KLF7: variants seen among roughly 807,000 people sequenced by gnomAD.
KLF7 encodes Krueppel-like factor 7.
A neutral mutation model predicts 27.3 loss-of-function variants in KLF7; 2 were observed. The observed-to-expected ratio is 0.07, with a 90% confidence interval of 0.03 to 0.23. The LOEUF (loss-of-function observed/expected upper bound fraction) is 0.23. Ranked by LOEUF, KLF7 falls within the 10% of genes least tolerant of loss-of-function variation. KLF7 has a pLI of 1.00. For missense variants in KLF7, 221 were observed against 394.1 expected, an observed-to-expected ratio of 0.56 and a Z score of 3.72; for synonymous variants, 165 against 162.4, an observed-to-expected ratio of 1.02 and a Z score of -0.12.
chr2:207,081,013 T>C lies in KLF7; in HGVS notation c.*200A>G. On this transcript the variant is annotated 3_prime_UTR_variant, in exon 4 of 4. Transcript: ENST00000309446. Reference sequence around the variant, plus strand: ...ATAGACGTATATATTTTAAATATAGTTGAGTGCATGACAGTGTGTATGTGT... The same window carrying C: ...ATAGACGTATATATTTTAAATATAGCTGAGTGCATGACAGTGTGTATGTGT... The C allele has an allele frequency of 5.2e-6, 3 of 581,970 alleles. No individual in the cohort carries two copies. The highest frequency in any genetic ancestry group is 2.7e-5 in the East Asian group (1 of 37,580). The allele number at this position is 581,970 out of a possible 1,614,324, so 36.1% of individuals were successfully genotyped here.
chr2:207,119,115 G>GT (rs1235016177), intron 2 of KLF7, among the ~76,000 whole-genome samples: 3 of 152,170 alleles, frequency 2.0e-5, no homozygotes, highest in African/African-American at 7.2e-5. Flanking sequence ...CATGGTTTAG[G>GT]TGACAGCAAC....
chr2:207,080,966 T>G lies in KLF7; in HGVS notation c.*247A>C, dbSNP rs1350654744. 4.5e-6 allele frequency: 2 copies of G among 440,610 alleles called. No homozygotes were observed. The highest frequency in any genetic ancestry group is 8.0e-6 in the Non-Finnish European group (2 of 249,946). The allele number at this position is 440,610 out of a possible 1,614,324, so 27.3% of individuals were successfully genotyped here. A position where few individuals can be genotyped will look rare whatever the true frequency, so the allele number is the denominator to read the frequency against. On this transcript the variant is annotated 3_prime_UTR_variant, in exon 4 of 4. Coordinates refer to ENST00000309446, the MANE Select transcript of KLF7 (RefSeq NM_003709.4). Reference sequence around the variant, plus strand: ...GTTTCCTTCTTCATCTTCTTCCATCTGGCTAGGGCAAGGCATAAAGAATAG... The same window carrying G: ...GTTTCCTTCTTCATCTTCTTCCATCGGGCTAGGGCAAGGCATAAAGAATAG...
At chr2:207,117,935 T>C (rs1382102206) in intron 2 of KLF7, among the ~76,000 whole-genome samples, 2 of 152,200 alleles carry the variant, frequency 1.3e-5, no homozygotes, top group African/African-American at 2.4e-5. Flanking sequence ...CACCCTGTTC[T>C]CCTTTGCTGG....
Position 207,078,321 on chromosome 2 carries a change from A to C in KLF7, c.*2892T>G, listed in dbSNP as rs1377597841. The C allele has an allele frequency of 6.6e-6, 1 of 152,212 alleles. No individual in the cohort carries two copies. The highest frequency in any genetic ancestry group is 2.4e-5 in the African/African-American group (1 of 41,464). 9.4% of individuals were successfully genotyped at this position (152,212 alleles called of 1,614,324 possible). ...CCAAGAAAGGTCAGGAGCAGATTAC[A>C]AAGGACCTCACTGATACAAAAGAGA... is the stretch of plus-strand genomic sequence containing the variant. On this transcript the variant is annotated 3_prime_UTR_variant, in exon 4 of 4. Coordinates refer to ENST00000309446, the MANE Select transcript of KLF7 (RefSeq NM_003709.4).
At chr2:207,112,337 G>A (rs10439268) in intron 2 of KLF7, among the ~76,000 whole-genome samples, 391 of 152,036 alleles carry the variant, frequency 2.6e-3, no homozygotes, top group African/African-American at 9.2e-3. Flanking sequence ...CGATCTTCTC[G>A]CGATCACCTA....
rs896621119 is a variant in KLF7 at position 207,077,606 on chromosome 2, C to A, written c.*3607G>T. On this transcript the variant is annotated 3_prime_UTR_variant, in exon 4 of 4. Coordinates refer to ENST00000309446, the MANE Select transcript of KLF7 (RefSeq NM_003709.4). ...CTCCAATATTTTTACAAAAATGCAG[C>A]TTTGTCATGGAATCTGAACATCTCT... The A allele has an allele frequency of 6.6e-6, 1 of 152,102 alleles. No homozygotes were observed. Among genetic ancestry groups the A allele is most frequent in the African/African-American group, 2.4e-5 (1 of 41,406 alleles). 9.4% of individuals were successfully genotyped at this position (152,102 alleles called of 1,614,324 possible). A position where few individuals can be genotyped will look rare whatever the true frequency, so the allele number is the denominator to read the frequency against.
chr2:207,157,057 G>A (rs754593429), intron 1 of KLF7, among the ~76,000 whole-genome samples: 2 of 152,086 alleles, frequency 1.3e-5, no homozygotes, highest in Non-Finnish European at 2.9e-5. Context: ...CAAATCTTAA[G>A]TCATAGTCAT....
In KLF7 at chr2:207,124,174, G is replaced by A. The variant is rs1353542080; in HGVS notation, c.333C>T (p.Ser111=). ...RDKLLSETCL[S]LQPASSSLDS... ...CTAGAGAAGAGCTGGCCGGCTGGAG[G>A]CTGAGGCAGGTCTCAGATAGCAACT... Residue 111 remains serine (S), a synonymous_variant, in exon 2 of 4, where the codon AGC becomes AGT. Coordinates refer to ENST00000309446, the MANE Select transcript of KLF7 (RefSeq NM_003709.4). The A allele has an allele frequency of 6.2e-7, 1 of 1,614,188 alleles. No individual in the cohort carries two copies. Among genetic ancestry groups the A allele is most frequent in the Admixed American group, 1.7e-5 (1 of 60,024 alleles).
chr2:207,113,776 T>C (rs1265119798), intron 2 of KLF7, among the ~76,000 whole-genome samples: 5 of 152,126 alleles, frequency 3.3e-5, no homozygotes, highest in Non-Finnish European at 2.9e-5. Flanking sequence ...GTCTGTTGCA[T>C]TTTCCCCCTC....
intron 1 of KLF7, among the ~76,000 whole-genome samples, chr2:207,132,916 T>C (rs1432303783): frequency 6.6e-6 from 1 of 152,270 alleles, no homozygotes; most frequent in Non-Finnish European, 1.5e-5. Context: ...GAGGCTTCTC[T>C]AACTTGGTTT....
In KLF7 at chr2:207,079,064, T is replaced by C. The variant is rs2076224401; in HGVS notation, c.*2149A>G. 2.2e-5 allele frequency: 1 copy of C among 45,730 alleles called. No individual in the cohort carries two copies. The highest frequency in any genetic ancestry group is 1.4e-4 in the Admixed American group (1 of 7,178). The allele number at this position is 45,730 out of a possible 1,614,324, so 2.8% of individuals were successfully genotyped here. A position where few individuals can be genotyped will look rare whatever the true frequency, so the allele number is the denominator to read the frequency against. On this transcript the variant is annotated 3_prime_UTR_variant, in exon 4 of 4. Transcript: ENST00000309446. ...CTTTTTTTTTCGTTTTGTATTATTT[T>C]GTTTTTTTTTTTGTTTTTGTTTTTG...
At chr2:207,169,779 C>A (rs375978117), upstream of KLF7, among the ~76,000 whole-genome samples, 1 of 152,032 alleles carries the variant, frequency 6.6e-6, no homozygotes, top group African/African-American at 2.4e-5. Context: ...TCAGTTATTT[C>A]GGTTTTACCA....
chr2:207,109,115 A>G (rs2076960365), intron 2 of KLF7, among the ~76,000 whole-genome samples: 1 of 152,258 alleles, frequency 6.6e-6, no homozygotes, highest in Admixed American at 6.5e-5. Flanking sequence ...CAAATGCAGT[A>G]GTACTGAGAT....
chr2:207,136,146 A>G (rs2077780327), intron 1 of KLF7, among the ~76,000 whole-genome samples: 1 of 152,088 alleles, frequency 6.6e-6, no homozygotes, highest in Non-Finnish European at 1.5e-5. Context: ...CCAGCAAACT[A>G]CTGAATCTGA....
upstream of KLF7, among the ~76,000 whole-genome samples, chr2:207,169,528 AATAC>A (rs1474946354): frequency 6.6e-6 from 1 of 152,206 alleles, no homozygotes; most frequent in East Asian, 1.9e-4. Flanking sequence ...ATGTTATTAA[AATAC>A]ATTCATTCTG....
At chr2:207,153,510 A>G (rs1471594551) in intron 1 of KLF7, among the ~76,000 whole-genome samples, 1 of 152,192 alleles carries the variant, frequency 6.6e-6, no homozygotes, top group Non-Finnish European at 1.5e-5. Context: ...TGGCTGTGTC[A>G]TGGTTTATTT....
At chr2:207,116,292 C>T (rs2077184406) in intron 2 of KLF7, among the ~76,000 whole-genome samples, 1 of 152,214 alleles carries the variant, frequency 6.6e-6, no homozygotes. Context: ...ATTTCTACTA[C>T]ATTCAAGCTG....
Position 207,075,037 on chromosome 2 carries a change from C to T in KLF7, c.*6176G>A, listed in dbSNP as rs1034201180. On this transcript the variant is annotated 3_prime_UTR_variant, in exon 4 of 4. Coordinates refer to ENST00000309446, the MANE Select transcript of KLF7 (RefSeq NM_003709.4). ...TATGTAAGTACCCACTTGCGTCTTT[C>T]GAAGATTTTTTTCCCCAGTGAAACA... The T allele has an allele frequency of 9.2e-5, 14 of 152,218 alleles. No homozygotes were observed. The highest frequency in any genetic ancestry group is 1.5e-4 in the Non-Finnish European group (10 of 68,026). 9.4% of individuals were successfully genotyped at this position (152,218 alleles called of 1,614,324 possible).
chr2:207,146,464 C>T (rs2106086123), intron 1 of KLF7, among the ~76,000 whole-genome samples: 1 of 152,156 alleles, frequency 6.6e-6, no homozygotes, highest in South Asian at 2.1e-4. Flanking sequence ...TGCTGCTTCC[C>T]GTCTTGCTTT....
Sources: gnomAD v4.1 joint callset for allele counts (sites outside exome capture counted in the v4.1 genomes callset) on GRCh38, gnomAD v4.1.1 for gene constraint, MANE v1.5 for transcripts, NCBI Gene and HGNC (gene_info 2026-07-23, HGNC 2026-07-21) for gene names.